The following TIAM1 variants were observed in gnomAD, a reference collection of about 807,000 sequenced individuals.
TIAM1 encodes TIAM Rac1 associated GEF 1.
In TIAM1, 65 loss-of-function variants were observed where a neutral mutation model predicts 163.5. The ratio of observed to expected loss-of-function variants is 0.40; its 90% CI spans 0.33 to 0.49. The LOEUF (loss-of-function observed/expected upper bound fraction) is 0.49, where lower values mean the gene tolerates loss of function less well. Ranked by LOEUF, TIAM1 falls within the 20% of genes least tolerant of loss-of-function variation. The probability of loss-of-function intolerance (pLI) is 0.77; values close to 1 mark genes in which losing one functional copy is unlikely to be tolerated. For synonymous variants in TIAM1, 833 were observed against 810.1 expected, an observed-to-expected ratio of 1.03 and a Z score of -0.48; for missense variants, 1,789 against 2,044.7, an observed-to-expected ratio of 0.87 and a Z score of 2.41.
chr21:31,550,608 T>C (rs929169213), intron 1 of TIAM1, among the ~76,000 whole-genome samples: 6 of 152,118 alleles, frequency 3.9e-5, no homozygotes, highest in African/African-American at 1.4e-4. Flanking sequence ...CACTGAAATG[T>C]CTACTTTAAA....
At chr21:31,179,196 A>G (rs568737617) in intron 15 of TIAM1, among the ~76,000 whole-genome samples, 8 of 151,698 alleles carry the variant, frequency 5.3e-5, no homozygotes, top group African/African-American at 1.7e-4. Flanking sequence ...AGACCAGCCT[A>G]ACCAACATGG....
intron 1 of TIAM1, among the ~76,000 whole-genome samples, chr21:31,503,993 T>A (rs907473452): frequency 6.6e-6 from 1 of 152,176 alleles, no homozygotes; most frequent in Non-Finnish European, 1.5e-5. Context: ...AGCAGATCTC[T>A]AATGCTTATA....
chr21:31,289,690 CA>C (rs1208951464), intron 2 of TIAM1, among the ~76,000 whole-genome samples: 1 of 152,126 alleles, frequency 6.6e-6, no homozygotes, highest in Non-Finnish European at 1.5e-5. Flanking sequence ...AAACAGAGCC[CA>C]TATTCCCCTC....
In TIAM1 at chr21:31,244,780, G is replaced by A. The variant is rs79979286; in HGVS notation, c.1584+708C>T. ...TTAGTATTCTCAATAGCACTATGCA[G>A]AGCACATAGGAAGCACAGAATAAAG... On this transcript the variant is annotated intron_variant, in intron 6 of 27. Coordinates refer to ENST00000541036, the MANE Select transcript of TIAM1 (RefSeq NM_001353694.2). Among the ~76,000 whole-genome samples, 546 of 152,284 alleles carry A rather than the reference G, an allele frequency of 3.6e-3. 1 individual carries two copies. Among genetic ancestry groups the A allele is most frequent in the African/African-American group, 0.012 (519 of 41,570 alleles).
chr21:31,487,474 G>A (rs1232436859), intron 1 of TIAM1, among the ~76,000 whole-genome samples: 5 of 151,332 alleles, frequency 3.3e-5, no homozygotes, highest in Non-Finnish European at 5.9e-5. Flanking sequence ...GGGTTCAAGC[G>A]ATTCTCCTGC....
At chr21:31,295,271 C>G (rs530817893) in intron 2 of TIAM1, among the ~76,000 whole-genome samples, 4 of 152,188 alleles carry the variant, frequency 2.6e-5, no homozygotes, top group Non-Finnish European at 4.4e-5. Flanking sequence ...GAAATCGAGA[C>G]CATCCCGGCT....
At chr21:31,210,900 A>T (rs1450126773) in intron 10 of TIAM1, among the ~76,000 whole-genome samples, 4 of 152,222 alleles carry the variant, frequency 2.6e-5, no homozygotes, top group Admixed American at 6.5e-5. Flanking sequence ...CAACAAGCAC[A>T]TCTGCCATGA....
At chr21:31,245,396 AAG>A in intron 6 of TIAM1, 90 bp downstream of exon 6, 4 of 822,818 alleles carry the variant, frequency 4.9e-6, no homozygotes, top group South Asian at 5.7e-5. Flanking sequence ...AAAAAAAAAA[AAG>A]CAGTGGAGGG....
chr21:31,328,410 G>A (rs1055552243), intron 2 of TIAM1, among the ~76,000 whole-genome samples: 5 of 152,126 alleles, frequency 3.3e-5, no homozygotes, highest in South Asian at 4.2e-4. Flanking sequence ...TCACTCTGTC[G>A]CCCAGGCTGG....
chr21:31,366,352 G>A (rs148112208), intron 2 of TIAM1, among the ~76,000 whole-genome samples: 1 of 152,126 alleles, frequency 6.6e-6, no homozygotes, highest in Non-Finnish European at 1.5e-5. Flanking sequence ...CTTAACTTAC[G>A]CATGTCCCAA....
chr21:31,486,533 T>C (rs1051346283), intron 1 of TIAM1, among the ~76,000 whole-genome samples: 4 of 152,222 alleles, frequency 2.6e-5, no homozygotes, highest in South Asian at 2.1e-4. Context: ...CCGACAAATA[T>C]TATGTGCCCT....
chr21:31,547,305 C>T (rs935832379), intron 1 of TIAM1, among the ~76,000 whole-genome samples: 8 of 152,180 alleles, frequency 5.3e-5, no homozygotes, highest in African/African-American at 1.9e-4. Flanking sequence ...AGCCCATCTT[C>T]CAAGAAAGAG....
intron 11 of TIAM1, among the ~76,000 whole-genome samples, chr21:31,203,868 C>A (rs1328678071): frequency 6.6e-6 from 1 of 152,156 alleles, no homozygotes; most frequent in Admixed American, 6.5e-5. Flanking sequence ...ATATACTCCC[C>A]AAGTGAGACT....
At chr21:31,534,451 G>A (rs1436437623) in intron 1 of TIAM1, among the ~76,000 whole-genome samples, 2 of 152,122 alleles carry the variant, frequency 1.3e-5, no homozygotes, top group Non-Finnish European at 2.9e-5. Flanking sequence ...CGAGGTGGGT[G>A]GATCACCCAA....
At chr21:31,506,836 T>G (rs2047044721) in intron 1 of TIAM1, among the ~76,000 whole-genome samples, 2 of 152,128 alleles carry the variant, frequency 1.3e-5, no homozygotes, top group Non-Finnish European at 2.9e-5. Flanking sequence ...GAGAATCACT[T>G]TAACCGGGAG....
At chr21:31,159,737 C>T (rs917233194) in intron 16 of TIAM1, among the ~76,000 whole-genome samples, 38 of 152,234 alleles carry the variant, frequency 2.5e-4, no homozygotes, top group African/African-American at 9.2e-4. Flanking sequence ...GATTAAATGA[C>T]ACAACATCTA....
At chr21:31,245,194 C>G (rs1285766690) in intron 6 of TIAM1, among the ~76,000 whole-genome samples, 2 of 151,998 alleles carry the variant, frequency 1.3e-5, no homozygotes, top group East Asian at 1.9e-4. Context: ...TGAGACCACA[C>G]AAAGATATCC....
intron 2 of TIAM1, among the ~76,000 whole-genome samples, chr21:31,309,996 T>C (rs1323741617): frequency 6.6e-6 from 1 of 152,214 alleles, no homozygotes; most frequent in East Asian, 1.9e-4. Context: ...GTGAAGTAAA[T>C]TGCACAGCTA....
intron 20 of TIAM1, among the ~76,000 whole-genome samples, chr21:31,145,935 G>C (rs2083086400): frequency 6.6e-6 from 1 of 152,104 alleles, no homozygotes; most frequent in Non-Finnish European, 1.5e-5. Context: ...GCTGTACATC[G>C]TGTCACTTAA....
Sources: allele counts gnomAD v4.1 joint callset (sites outside exome capture counted in the v4.1 genomes callset), GRCh38; gene constraint gnomAD v4.1.1; transcripts MANE v1.5; gene names NCBI Gene and HGNC (gene_info 2026-07-23, HGNC 2026-07-21).